MYOM2: variants seen among roughly 807,000 people sequenced by gnomAD.
MYOM2 encodes the protein myomesin-2.
A neutral mutation model predicts 187.6 loss-of-function variants in MYOM2; 254 were observed. The observed-to-expected ratio is 1.35, with a 90% CI of 1.22 to 1.50. MYOM2 has a LOEUF of 1.50. Ranked by LOEUF, MYOM2 falls within the 40% of genes most tolerant of loss-of-function variation. MYOM2 has a pLI of 0.00. For synonymous variants in MYOM2, 981 were observed against 753.8 expected (o/e 1.30, Z -4.94); for missense variants, 2,796 against 1,924.0 (o/e 1.45, Z -8.48).
chr8:2,050,834 T>C lies in MYOM2; in HGVS notation c.68T>C (p.Ile23Thr). 1 of 1,613,080 alleles carries C rather than the reference T, an allele frequency of 6.2e-7. No homozygotes were observed. Among genetic ancestry groups the C allele is most frequent in the Non-Finnish European group, 8.5e-7 (1 of 1,179,072 alleles). Residue 23 changes from isoleucine to threonine, a missense_variant, in exon 2 of 37, where the codon ATT (isoleucine) becomes ACT (threonine). Physicochemically the swap from Ile to Thr is moderately conservative, Grantham distance 89. Coordinates refer to ENST00000262113, the MANE Select transcript of MYOM2 (RefSeq NM_003970.4). ...CACTTCGACCAGTCCTACCGTAATATTCAAACACGGTACCTGCTGGACGAA... is the reference window on the plus strand; with the variant it reads ...CACTTCGACCAGTCCTACCGTAATACTCAAACACGGTACCTGCTGGACGAA... Reference protein sequence around the residue: ...HRHFDQSYRNIQTRYLLDEYA... With the variant: ...HRHFDQSYRNTQTRYLLDEYA...
chr8:2,078,922 G>A lies in MYOM2; in HGVS notation c.1451G>A (p.Arg484Lys), dbSNP rs762825883. The A allele has an allele frequency of 3.1e-6, 5 of 1,613,844 alleles. No individual in the cohort carries two copies. Among genetic ancestry groups the A allele is most frequent in the Non-Finnish European group, 3.4e-6 (4 of 1,179,788 alleles). ...GCTGCACTTGACCCCTTGGACCTCA[G>A]AAGGTTACAAGGTAAGCTGCTCACG... ...AVAALDPLDL[R>K]RLQAVHLEGE... The change falls in exon 12 of 37, where the codon AGA (arginine) becomes AAA (lysine). Residue 484 changes from arginine (R) to lysine (K), a missense_variant. By Grantham distance (26) the Arg-to-Lys change is conservative. Transcript: ENST00000262113.
intron 1 of MYOM2, among the ~76,000 whole-genome samples, chr8:2,049,577 G>A (rs1356313811): frequency 6.6e-6 from 1 of 152,150 alleles, no homozygotes; most frequent in East Asian, 1.9e-4. Context: ...CCGGGATGTG[G>A]GTGGCACCCC....
At chr8:2,062,551 G>A (rs1225580043) in intron 6 of MYOM2, among the ~76,000 whole-genome samples, 1 of 152,188 alleles carries the variant, frequency 6.6e-6, no homozygotes, top group Non-Finnish European at 1.5e-5. Flanking sequence ...CCTGGGTTGG[G>A]CAGTGGAGTT....
Position 2,050,649 on chromosome 8 carries a change from G to T in MYOM2, c.-12-106G>T, listed in dbSNP as rs79338121. ...TTTCATTTTTTCCCTTCCCAAGGGG[G>T]TTTTATTAACTGGAGTTCATTTTCC... On this transcript the variant is annotated intron_variant, in intron 1 of 36. Transcript: ENST00000262113. 6.4e-3 allele frequency: 3,898 copies of T among 608,724 alleles called. 102 individuals are homozygous for T. The highest frequency in any genetic ancestry group is 0.059 in the African/African-American group (3,218 of 54,744). The allele number at this position is 608,724 out of a possible 1,614,324, so 37.7% of individuals were successfully genotyped here.
At chr8:2,132,345 A>G (rs1350663468) in intron 32 of MYOM2, among the ~76,000 whole-genome samples, 1 of 152,216 alleles carries the variant, frequency 6.6e-6, no homozygotes. Context: ...GCTGAGTAAT[A>G]CATCAGAGGC....
intron 1 of MYOM2, among the ~76,000 whole-genome samples, chr8:2,046,452 G>A (rs1315163817): frequency 6.6e-6 from 1 of 152,192 alleles, no homozygotes; most frequent in African/African-American, 2.4e-5. Flanking sequence ...TGGCGCCTGG[G>A]TTCGGCCGTG....
chr8:2,110,989 G>A (rs964123949), intron 25 of MYOM2, among the ~76,000 whole-genome samples: 11 of 152,222 alleles, frequency 7.2e-5, no homozygotes, highest in Admixed American at 3.9e-4. Context: ...AAAGCCAGTG[G>A]TATAACTATT....
chr8:2,128,678 C>G (rs1192280417), intron 31 of MYOM2, among the ~76,000 whole-genome samples: 1 of 152,162 alleles, frequency 6.6e-6, no homozygotes, highest in Non-Finnish European at 1.5e-5. Context: ...TTTCATTTGT[C>G]TTGAAGAACC....
chr8:2,074,732 C>T (rs984198350), intron 10 of MYOM2, among the ~76,000 whole-genome samples: 1 of 152,230 alleles, frequency 6.6e-6, no homozygotes, highest in Non-Finnish European at 1.5e-5. Flanking sequence ...GTTGGGATTA[C>T]AGGTGTGAGC....
At chr8:2,095,963 T>C (rs1472398151) in intron 17 of MYOM2, among the ~76,000 whole-genome samples, 7 of 152,342 alleles carry the variant, frequency 4.6e-5, no homozygotes, top group African/African-American at 1.7e-4. Context: ...CAAATGTTCA[T>C]ACCAGATTTA....
At chr8:2,064,883 G>A (rs1563423654) in intron 6 of MYOM2, among the ~76,000 whole-genome samples, 1 of 152,182 alleles carries the variant, frequency 6.6e-6, no homozygotes, top group Non-Finnish European at 1.5e-5. Context: ...CCCCTGCCCA[G>A]GAGCTGTGAA....
intron 12 of MYOM2, among the ~76,000 whole-genome samples, chr8:2,079,205 T>G (rs558355723): frequency 6.6e-6 from 1 of 152,322 alleles, no homozygotes; most frequent in South Asian, 2.1e-4. Flanking sequence ...ATTAGACCTT[T>G]TTTTTATTCC....
intron 16 of MYOM2, 121 bp downstream of exon 16, chr8:2,092,641 C>G: frequency 9.8e-7 from 1 of 1,020,100 alleles, no homozygotes; most frequent in Non-Finnish European, 1.4e-6. Flanking sequence ...ATGAGTCTGT[C>G]TTAGCCACAC....
chr8:2,087,114 T>C (rs1796119502), intron 14 of MYOM2, among the ~76,000 whole-genome samples: 1 of 152,220 alleles, frequency 6.6e-6, no homozygotes, highest in Non-Finnish European at 1.5e-5. Context: ...CCCACTAATC[T>C]GACTTGGTGA....
At position 2,057,338 on chromosome 8, in the gene MYOM2, G is replaced by T. The variant is rs748581972; in HGVS notation, c.264-10G>T. The T allele has an allele frequency of 1.3e-6, 2 of 1,593,124 alleles. No individual in the cohort carries two copies. The highest frequency in any genetic ancestry group is 2.3e-5 in the South Asian group (2 of 88,698). On this transcript the variant is annotated splice_polypyrimidine_tract_variant and intron_variant, in intron 3 of 36. Coordinates refer to ENST00000262113, the MANE Select transcript of MYOM2 (RefSeq NM_003970.4). ...CTCCTGCAACTGAGGCTGCTTCTCG[G>T]CTCCTGCAGGTACCAGTCCCTGGTG...
chr8:2,111,008 G>T (rs1228721608), intron 25 of MYOM2, among the ~76,000 whole-genome samples: 2 of 152,230 alleles, frequency 1.3e-5, no homozygotes, highest in African/African-American at 4.8e-5. Context: ...TTGCCTATGG[G>T]AGACTTACTG....
chr8:2,128,758 A>G (rs1387308364), intron 31 of MYOM2, among the ~76,000 whole-genome samples: 1 of 152,162 alleles, frequency 6.6e-6, no homozygotes, highest in African/African-American at 2.4e-5. Flanking sequence ...TCCCTTTTGC[A>G]GATTTTCTAC....
At chr8:2,120,870 C>T (rs1797429989) in intron 28 of MYOM2, among the ~76,000 whole-genome samples, 1 of 149,712 alleles carries the variant, frequency 6.7e-6, no homozygotes, top group Admixed American at 6.7e-5. Flanking sequence ...ATAACATGCT[C>T]AAGGTTGTGG....
chr8:2,083,249 A>T (rs4876231), intron 13 of MYOM2, among the ~76,000 whole-genome samples: 1 of 152,212 alleles, frequency 6.6e-6, no homozygotes, highest in South Asian at 2.1e-4. Context: ...TGAGGGCAGC[A>T]TCAGTGCCCT....
Sources: gnomAD v4.1 joint callset for allele counts (sites outside exome capture counted in the v4.1 genomes callset) on GRCh38, gnomAD v4.1.1 for gene constraint, MANE v1.5 for transcripts, NCBI Gene and HGNC (gene_info 2026-07-23, HGNC 2026-07-21) for gene names.